Variants in KCNAB1 observed in about 807,000 individuals in gnomAD.
KCNAB1 encodes the protein potassium voltage-gated channel subfamily A regulatory beta subunit 1, also known as voltage-gated potassium channel subunit beta-1.
A neutral mutation model predicts 64.6 loss-of-function variants in KCNAB1; 35 were observed. The observed-to-expected ratio is 0.54, with a 90% CI of 0.41 to 0.72. KCNAB1 has a LOEUF of 0.72. KCNAB1 is among the 30% of genes least tolerant of loss of function. The probability of loss-of-function intolerance (pLI) is 0.00; values close to 1 mark genes in which losing one functional copy is unlikely to be tolerated. For synonymous variants in KCNAB1, 177 were observed against 183.8 expected (o/e 0.96, Z 0.30); for missense variants, 401 against 512.9 (o/e 0.78, Z 2.11).
At chr3:156,158,164 C>CA (rs1324815125) in intron 1 of KCNAB1, among the ~76,000 whole-genome samples, 863 of 42,730 alleles carry the variant, frequency 0.02, 13 homozygotes, top group Middle Eastern at 0.056. Context: ...AACTCTGTCT[C>CA]AAAAAAAAAA....
intron 1 of KCNAB1, among the ~76,000 whole-genome samples, chr3:156,367,158 C>T (rs1178981394): frequency 6.7e-6 from 1 of 149,298 alleles, no homozygotes; most frequent in Non-Finnish European, 1.5e-5. Context: ...AGTGGCATCT[C>T]AGAGTAATCT....
chr3:156,139,663 A>G (rs780904491), intron 1 of KCNAB1, among the ~76,000 whole-genome samples: 6 of 89,132 alleles, frequency 6.7e-5, no homozygotes, highest in Non-Finnish European at 8.9e-5. Context: ...TTCTTCTTTC[A>G]TGCTCAGGGC....
intron 1 of KCNAB1, among the ~76,000 whole-genome samples, chr3:156,405,154 T>C (rs1714164098): frequency 6.6e-6 from 1 of 152,230 alleles, no homozygotes; most frequent in South Asian, 2.1e-4. Flanking sequence ...GCAGGCCCAG[T>C]GAGGGGCTCC....
chr3:156,208,634 A>G (rs1560137094), intron 1 of KCNAB1, among the ~76,000 whole-genome samples: 1 of 152,136 alleles, frequency 6.6e-6, no homozygotes, highest in South Asian at 2.1e-4. Context: ...GGAGGGAAAA[A>G]AATACTTGCC....
intron 1 of KCNAB1, among the ~76,000 whole-genome samples, chr3:156,136,306 A>G (rs1310074728): frequency 6.6e-6 from 1 of 152,244 alleles, no homozygotes; most frequent in Non-Finnish European, 1.5e-5. Flanking sequence ...ATTAGGTAAT[A>G]TGATGAGCTA....
At chr3:156,518,448 T>TGAAAGA (rs1288477773) in intron 11 of KCNAB1, among the ~76,000 whole-genome samples, 1 of 127,082 alleles carries the variant, frequency 7.9e-6, no homozygotes, top group Non-Finnish European at 1.6e-5. Context: ...GAGGATGCCA[T>TGAAAGA]GAAAGAGAAA....
intron 1 of KCNAB1, among the ~76,000 whole-genome samples, chr3:156,316,754 A>G (rs1277679550): frequency 6.6e-6 from 1 of 152,202 alleles, no homozygotes; most frequent in Non-Finnish European, 1.5e-5. Flanking sequence ...TCCTCAGCCC[A>G]AAAGAGCTCA....
Position 156,536,775 on chromosome 3 carries a change from T to G in KCNAB1, c.*28T>G. On this transcript the variant is annotated 3_prime_UTR_variant, in exon 14 of 14. Coordinates refer to ENST00000490337, the MANE Select transcript of KCNAB1 (RefSeq NM_172160.3). ...CAATGCATGAACCACAGAAGCTGCA[T>G]GGTTAAAATAGCGGCCTGTGCCCAG... 6.7e-7 allele frequency: 1 copy of G among 1,487,898 alleles called. No individual in the cohort carries two copies. The highest frequency in any genetic ancestry group is 9.4e-7 in the Non-Finnish European group (1 of 1,065,292). The allele number at this position is 1,487,898 out of a possible 1,614,324, so 92.2% of individuals were successfully genotyped here. A position where few individuals can be genotyped will look rare whatever the true frequency, so the allele number is the denominator to read the frequency against.
At chr3:156,534,818 A>T (rs1192725656) in intron 13 of KCNAB1, among the ~76,000 whole-genome samples, 1 of 152,130 alleles carries the variant, frequency 6.6e-6, no homozygotes, top group African/African-American at 2.4e-5. Context: ...GTGTTTGTAA[A>T]ATCTGTAGTA....
intron 1 of KCNAB1, among the ~76,000 whole-genome samples, chr3:156,224,293 C>T (rs991923758): frequency 3.9e-5 from 6 of 152,244 alleles, no homozygotes; most frequent in African/African-American, 1.4e-4. Context: ...CCCCGGTTTC[C>T]ACCCGTGCCT....
At chr3:156,242,600 C>T (rs1022509380) in intron 1 of KCNAB1, among the ~76,000 whole-genome samples, 1 of 151,714 alleles carries the variant, frequency 6.6e-6, no homozygotes, top group African/African-American at 2.4e-5. Context: ...TTGAGCTTTT[C>T]ATTTTGGATA....
chr3:156,425,870 A>G (rs1029313161), intron 2 of KCNAB1, among the ~76,000 whole-genome samples: 15 of 152,116 alleles, frequency 9.9e-5, no homozygotes, highest in African/African-American at 2.9e-4. Context: ...GGATAGCTTG[A>G]TGGGGGAACA....
At chr3:156,463,230 C>T (rs774500016) in intron 5 of KCNAB1, among the ~76,000 whole-genome samples, 5 of 152,116 alleles carry the variant, frequency 3.3e-5, no homozygotes, top group Non-Finnish European at 5.9e-5. Flanking sequence ...GAGTGGAGTC[C>T]TCCTGGGAGG....
At chr3:156,398,884 A>G (rs1160328812) in intron 1 of KCNAB1, among the ~76,000 whole-genome samples, 3 of 152,190 alleles carry the variant, frequency 2.0e-5, no homozygotes, top group Non-Finnish European at 4.4e-5. Flanking sequence ...GTTGTCCCCT[A>G]GCACTGAGGA....
intron 8 of KCNAB1, among the ~76,000 whole-genome samples, chr3:156,511,706 G>A (rs1401291247): frequency 6.6e-6 from 1 of 152,082 alleles, no homozygotes; most frequent in Non-Finnish European, 1.5e-5. Flanking sequence ...CCTTCCTCAA[G>A]CTCTTTCTAC....
intron 1 of KCNAB1, among the ~76,000 whole-genome samples, chr3:156,181,971 A>C (rs1336143151): frequency 6.6e-6 from 1 of 152,216 alleles, no homozygotes; most frequent in South Asian, 2.1e-4. Flanking sequence ...CCAGGAAAGA[A>C]ACTGGAGAGT....
intron 1 of KCNAB1, among the ~76,000 whole-genome samples, chr3:156,354,065 G>A (rs1725043888): frequency 1.4e-5 from 2 of 147,970 alleles, no homozygotes; most frequent in South Asian, 4.2e-4. Context: ...GTGTGTGTGT[G>A]TGTGTGTGTA....
At chr3:156,428,756 T>C (rs1417667918) in intron 2 of KCNAB1, among the ~76,000 whole-genome samples, 1 of 152,146 alleles carries the variant, frequency 6.6e-6, no homozygotes, top group East Asian at 1.9e-4. Flanking sequence ...CAAATGGAGC[T>C]TTCCTGGGCT....
chr3:156,483,310 C>T (rs1254011641), intron 8 of KCNAB1, among the ~76,000 whole-genome samples: 2 of 152,132 alleles, frequency 1.3e-5, no homozygotes, highest in Non-Finnish European at 2.9e-5. Context: ...ATTTGCATTC[C>T]TTGCACAGAG....
Sources: gnomAD v4.1 joint callset for allele counts (sites outside exome capture counted in the v4.1 genomes callset) on GRCh38, gnomAD v4.1.1 for gene constraint, MANE v1.5 for transcripts, NCBI Gene and HGNC (gene_info 2026-07-23, HGNC 2026-07-21) for gene names.